ATG10: variants seen among roughly 807,000 people sequenced by gnomAD.
The protein encoded by ATG10 is ubiquitin-like-conjugating enzyme ATG10.
Under a neutral mutation model 32.1 loss-of-function variants are expected in ATG10, and 30 were observed. The observed-to-expected ratio is 0.94, with a 90% CI of 0.70 to 1.27. ATG10 has a LOEUF of 1.27. ATG10 is among the 50% of genes most tolerant of loss of function. The pLI is 0.00. For synonymous variants in ATG10, 87 were observed against 91.5 expected (o/e 0.95, Z 0.28); for missense variants, 233 against 262.3 (o/e 0.89, Z 0.77).
At chr5:82,161,594 A>G (rs1053716571) in intron 3 of ATG10, among the ~76,000 whole-genome samples, 5 of 151,988 alleles carry the variant, frequency 3.3e-5, no homozygotes, top group Non-Finnish European at 5.9e-5. Flanking sequence ...GCACTTTTCT[A>G]TAGAAATTAA....
In ATG10 at chr5:82,017,864, A is replaced by G. The variant is rs114223594; in HGVS notation, c.108+30186A>G. 1.4e-3 allele frequency among the ~76,000 whole-genome samples: 217 copies of G among 152,006 alleles called. 2 individuals carry two copies. Among genetic ancestry groups the G allele is most frequent in the African/African-American group, 4.9e-3 (203 of 41,434 alleles). ...TCCTTACTCTCTTAGTTCACCTTCT[A>G]TATTACTCTTTATTCCTTTTCAGTC... On this transcript the variant is annotated intron_variant, in intron 2 of 7. Coordinates refer to ENST00000282185, the MANE Select transcript of ATG10 (RefSeq NM_031482.5).
rs559064302 is a variant in ATG10 at position 82,239,016 on chromosome 5, T to C, written c.454-13546T>C. ...AGAATATATTGCATATTTGACATAA[T>C]TTTTTAAAGTAAATTACATGTAGAG... On this transcript the variant is annotated intron_variant, in intron 5 of 7. Transcript: ENST00000282185. Among the ~76,000 whole-genome samples, 175 of 152,314 alleles carry C rather than the reference T, an allele frequency of 1.1e-3. 2 individuals are homozygous for C. The highest frequency in any genetic ancestry group is 2.3e-3 in the Admixed American group (35 of 15,294).
At chr5:82,193,418 T>G (rs1744734092) in intron 5 of ATG10, among the ~76,000 whole-genome samples, 1 of 152,202 alleles carries the variant, frequency 6.6e-6, no homozygotes, top group African/African-American at 2.4e-5. Flanking sequence ...ATAACTGAGA[T>G]TGCAGTGATC....
At chr5:82,059,307 A>G (rs539989603) in intron 3 of ATG10, among the ~76,000 whole-genome samples, 2 of 152,238 alleles carry the variant, frequency 1.3e-5, no homozygotes, top group South Asian at 4.1e-4. Flanking sequence ...TATAAAAAGG[A>G]TTTAAAAATA....
chr5:82,180,490 G>T (rs992014944), intron 5 of ATG10, among the ~76,000 whole-genome samples: 54 of 152,198 alleles, frequency 3.5e-4, no homozygotes, highest in Non-Finnish European at 2.1e-4. Context: ...TAAAGATTTG[G>T]CAAGAACATT....
intron 3 of ATG10, among the ~76,000 whole-genome samples, chr5:82,077,800 G>GT (rs1764328407): frequency 1.3e-5 from 2 of 152,164 alleles, no homozygotes; most frequent in Admixed American, 1.3e-4. Context: ...AGAAAAAGCT[G>GT]TAAGATTTTC....
chr5:82,004,111 C>G (rs1486800988), intron 2 of ATG10, among the ~76,000 whole-genome samples: 1 of 147,280 alleles, frequency 6.8e-6, no homozygotes, highest in Admixed American at 7.0e-5. Flanking sequence ...CCAGCCTGCT[C>G]TGTCGCCCAG....
At chr5:81,972,814 G>A (rs752695479) in intron 1 of ATG10, among the ~76,000 whole-genome samples, 14 of 152,140 alleles carry the variant, frequency 9.2e-5, no homozygotes, top group Non-Finnish European at 1.6e-4. Context: ...GGGGAGGACC[G>A]GAGAATGATA....
intron 3 of ATG10, among the ~76,000 whole-genome samples, chr5:82,085,044 A>T (rs1261321418): frequency 1.3e-5 from 2 of 152,200 alleles, no homozygotes; most frequent in Non-Finnish European, 2.9e-5. Context: ...GGCAAATTGG[A>T]TAAAGAATCA....
chr5:82,093,067 C>G (rs1764944251), intron 3 of ATG10, among the ~76,000 whole-genome samples: 2 of 152,172 alleles, frequency 1.3e-5, no homozygotes, highest in Admixed American at 1.3e-4. Flanking sequence ...TATCCTAACT[C>G]AGAAATACAA....
intron 3 of ATG10, 24 bp from the exon 4 acceptor site, chr5:82,164,375 C>T (rs1030438933): frequency 1.7e-5 from 27 of 1,610,300 alleles, no homozygotes; most frequent in African/African-American, 2.7e-5. Context: ...AACCCGTTTT[C>T]GTTTTGTTTT....
intron 3 of ATG10, among the ~76,000 whole-genome samples, chr5:82,105,634 T>C (rs1301571310): frequency 1.3e-5 from 2 of 152,048 alleles, no homozygotes; most frequent in Admixed American, 1.3e-4. Flanking sequence ...ACTGAATGAG[T>C]CAGAGGGAGT....
intron 2 of ATG10, among the ~76,000 whole-genome samples, chr5:82,028,268 G>A (rs966877391): frequency 6.6e-6 from 1 of 152,184 alleles, no homozygotes; most frequent in African/African-American, 2.4e-5. Context: ...ATTAGAAAAT[G>A]CTGAATTGCT....
intron 5 of ATG10, among the ~76,000 whole-genome samples, chr5:82,250,660 A>G (rs1747219968): frequency 6.6e-6 from 1 of 152,084 alleles, no homozygotes; most frequent in African/African-American, 2.4e-5. Context: ...TTTCCTTTGT[A>G]GGGCTTATAA....
chr5:82,192,311 T>C (rs1744694010), intron 5 of ATG10, among the ~76,000 whole-genome samples: 1 of 152,230 alleles, frequency 6.6e-6, no homozygotes, highest in Non-Finnish European at 1.5e-5. Context: ...CAGGAATTTT[T>C]CCTGGAAAGT....
rs1762271749 is a variant in ATG10, at chr5:82,015,871, G to A, written c.108+28193G>A. On this transcript the variant is annotated intron_variant, in intron 2 of 7. Transcript: ENST00000282185. ...CTAGCTTTGTTCCATTGCTGGTGAG[G>A]AGCTGCGTTCCTTTGGAGGAGAGGC... 2.0e-5 allele frequency among the ~76,000 whole-genome samples: 3 copies of A among 152,184 alleles called. No individual in the cohort carries two copies. In the South Asian group the frequency reaches 6.2e-4, roughly 32 times the overall value.
At chr5:81,993,463 C>G (rs1761567859) in intron 2 of ATG10, among the ~76,000 whole-genome samples, 1 of 145,956 alleles carries the variant, frequency 6.9e-6, no homozygotes, top group Admixed American at 7.0e-5. Flanking sequence ...GAGTCTCGCC[C>G]TGTTGCCCAG....
chr5:82,054,085 G>A (rs902913313), intron 2 of ATG10, among the ~76,000 whole-genome samples: 2 of 152,134 alleles, frequency 1.3e-5, no homozygotes, highest in Admixed American at 1.3e-4. Context: ...TCAAAAGAGG[G>A]TCTCCAAGGA....
intron 5 of ATG10, among the ~76,000 whole-genome samples, chr5:82,187,112 A>G (rs1214861020): frequency 6.6e-6 from 1 of 151,702 alleles, no homozygotes; most frequent in African/African-American, 2.4e-5. Flanking sequence ...GTTTGAGGCT[A>G]GCCTAGGTAA....
Sources: allele counts gnomAD v4.1 joint callset (sites outside exome capture counted in the v4.1 genomes callset), GRCh38; gene constraint gnomAD v4.1.1; transcripts MANE v1.5; gene names NCBI Gene and HGNC (gene_info 2026-07-23, HGNC 2026-07-21).